MAST3: variants seen among roughly 807,000 people sequenced by gnomAD.
MAST3 encodes microtubule associated serine/threonine kinase 3, also known as microtubule-associated serine/threonine-protein kinase 3.
In MAST3, 43 loss-of-function variants were observed where a neutral mutation model predicts 127.0. The ratio of observed to expected loss-of-function variants is 0.34; its 90% CI spans 0.27 to 0.44. The LOEUF (loss-of-function observed/expected upper bound fraction) is 0.44, where lower values mean the gene tolerates loss of function less well. MAST3 is among the 20% of genes least tolerant of loss of function. The probability of loss-of-function intolerance (pLI) is 1.00; values close to 1 mark genes in which losing one functional copy is unlikely to be tolerated. For missense variants in MAST3, 1,390 were observed against 1,919.1 expected (o/e 0.72, Z 5.15); for synonymous variants, 785 against 809.2 (o/e 0.97, Z 0.51).
chr19:18,117,777 AG>A (rs1196301288), intron 3 of MAST3, among the ~76,000 whole-genome samples: 7 of 152,132 alleles, frequency 4.6e-5, no homozygotes, highest in Non-Finnish European at 8.8e-5. Context: ...CTCGAGGTTA[AG>A]GTGCTGCCAA....
rs76768788 is a variant in MAST3 at position 18,117,502 on chromosome 19, G to A, written c.162-4183G>A. On this transcript the variant is annotated intron_variant, in intron 3 of 27. Transcript: ENST00000687212. ...GCCAGTCCGGTGCTGGGAGCTGCTG[G>A]GACCCTAAGGAGCCCCCAGCCTGGG... is the stretch of plus-strand genomic sequence containing the variant. 2.0e-4 allele frequency among the ~76,000 whole-genome samples: 31 copies of A among 152,282 alleles called. No individual in the cohort carries two copies. The East Asian group carries it at 5.6e-3, about 28-fold the overall frequency.
At chr19:18,142,552 A>G (rs2042609492) in intron 21 of MAST3, among the ~76,000 whole-genome samples, 1 of 150,642 alleles carries the variant, frequency 6.6e-6, no homozygotes, top group Non-Finnish European at 1.5e-5. Context: ...GGGTTTTGCC[A>G]TGTTAGCCAG....
intron 11 of MAST3, among the ~76,000 whole-genome samples, chr19:18,126,432 G>C (rs1469038422): frequency 2.0e-5 from 3 of 152,128 alleles, no homozygotes; most frequent in Non-Finnish European, 4.4e-5. Flanking sequence ...TAGACCCTAA[G>C]GTTGGACCAT....
intron 3 of MAST3, among the ~76,000 whole-genome samples, chr19:18,120,546 T>C (rs72999430): frequency 7.2e-5 from 11 of 152,312 alleles, no homozygotes; most frequent in Non-Finnish European, 1.6e-4. Context: ...GTTTTTGTTA[T>C]TGTTTTTCAG....
intron 11 of MAST3, among the ~76,000 whole-genome samples, chr19:18,126,882 G>A (rs919930170): frequency 5.5e-4 from 83 of 151,884 alleles, no homozygotes; most frequent in Non-Finnish European, 1.9e-4. Context: ...CTGGGTTCAC[G>A]CCATTCTCCT....
At chr19:18,135,551 G>GT (rs1333732067) in intron 17 of MAST3, among the ~76,000 whole-genome samples, 189 bp from the exon 18 acceptor site, 3 of 152,304 alleles carry the variant, frequency 2.0e-5, no homozygotes, top group Non-Finnish European at 4.4e-5. Context: ...AAAAGAGAAA[G>GT]GTGGCTCTGA....
intron 11 of MAST3, among the ~76,000 whole-genome samples, chr19:18,126,278 G>C (rs906842127): frequency 6.6e-6 from 1 of 152,128 alleles, no homozygotes; most frequent in Non-Finnish European, 1.5e-5. Flanking sequence ...ACTGAAAGCT[G>C]GAGCATTGAA....
At chr19:18,102,258 G>T (rs1195623615) in intron 1 of MAST3, among the ~76,000 whole-genome samples, 2 of 149,734 alleles carry the variant, frequency 1.3e-5, no homozygotes, top group East Asian at 2.0e-4. Context: ...TCGGCTCACC[G>T]CAACCTCTGC....
chr19:18,133,549 A>ATTTTTT (rs3048882), intron 15 of MAST3, among the ~76,000 whole-genome samples: 4 of 91,844 alleles, frequency 4.4e-5, no homozygotes, highest in Non-Finnish European at 5.9e-5. Context: ...CGCCCAGCTA[A>ATTTTTT]TTTTTTTTTT....
chr19:18,120,802 ACCT>A (rs2039881759), intron 3 of MAST3, among the ~76,000 whole-genome samples: 2 of 151,316 alleles, frequency 1.3e-5, no homozygotes, highest in South Asian at 4.2e-4. Flanking sequence ...TCTCACCACA[ACCT>A]CCACCTCCTG....
Position 18,110,743 on chromosome 19 carries a change from TAA to T in MAST3, c.161+3_161+4del, listed in dbSNP as rs2038507273. ...CTCCTTGGGCCTGCACCCCTGGAGG[TAA>T]GTGACAGCGCGTGTGGGCGGGGCGC... is the stretch of plus-strand genomic sequence containing the variant. On this transcript the variant is annotated splice_donor_region_variant and intron_variant, in intron 3 of 27. Transcript: ENST00000687212. The surrounding 1 kb of genome is among the most constrained non-coding windows in gnomAD (Gnocchi z 4.3). The T allele has an allele frequency of 1.0e-6, 1 of 984,852 alleles. No individual in the cohort carries two copies. Among genetic ancestry groups the T allele is most frequent in the Non-Finnish European group, 1.2e-6 (1 of 829,254 alleles). 61.0% of individuals were successfully genotyped at this position (984,852 alleles called of 1,614,324 possible). A position where few individuals can be genotyped will look rare whatever the true frequency, so the allele number is the denominator to read the frequency against.
intron 1 of MAST3, among the ~76,000 whole-genome samples, chr19:18,100,113 TCTC>T (rs2037440288): frequency 7.3e-6 from 1 of 137,756 alleles, no homozygotes; most frequent in African/African-American, 2.6e-5. Context: ...GGCAGAAGGA[TCTC>T]TCTCTCTCTC....
chr19:18,149,612 T>TA lies in MAST3; in HGVS notation c.3931dup (p.Ser1311LysfsTer4). 5 of 1,612,936 alleles carry TA rather than the reference T, an allele frequency of 3.1e-6. No homozygotes were observed. Among genetic ancestry groups the TA allele is most frequent in the Non-Finnish European group, 4.2e-6 (5 of 1,179,766 alleles). Reference sequence around the variant, plus strand: ...AGAAGCAGGAGGCCGTGCAGGAGGTTAGCTTCGATGAGCCGCAGGAGGAGG... The same window carrying TA: ...AGAAGCAGGAGGCCGTGCAGGAGGTTAAGCTTCGATGAGCCGCAGGAGGAGG... On this transcript the variant is annotated frameshift_variant, in exon 28 of 28. Transcript: ENST00000687212. LOFTEE classifies it low-confidence loss of function (END_TRUNC). This position sits in a 1 kb window ranked among gnomAD's most constrained non-coding sequence, Gnocchi z 5.9.
In MAST3 at chr19:18,134,723, G is replaced by T; in HGVS notation, c.1704+12G>T. 3 of 1,613,100 alleles carry T rather than the reference G, an allele frequency of 1.9e-6. No homozygotes were observed. In the Middle Eastern group the frequency reaches 5.0e-4, roughly 266 times the overall value. ...TCATCGACAAGCAGGTGGGCGGGCA[G>T]GTGGGTGGGCAGCCCCGGGATGCCT... On this transcript the variant is annotated intron_variant, in intron 16 of 27. Coordinates refer to ENST00000687212, the MANE Select transcript of MAST3 (RefSeq NM_001393504.1).
chr19:18,122,688 A>G lies in MAST3; in HGVS notation c.336A>G (p.Arg112=). Residue 112 remains arginine (R), a synonymous_variant, in exon 6 of 28, where the codon AGA becomes AGG. Coordinates refer to ENST00000687212, the MANE Select transcript of MAST3 (RefSeq NM_001393504.1). Reference sequence around the variant, plus strand: ...CCCTCTCCAGGGCAGACGGCAGAAGATGGTCCCTCGCGTCTCTCCCATCTT... The same window carrying G: ...CCCTCTCCAGGGCAGACGGCAGAAGGTGGTCCCTCGCGTCTCTCCCATCTT... ...FPFARRADGR[R]WSLASLPSSG... is the part of the protein sequence containing the mutation. 2 of 1,613,242 alleles carry G rather than the reference A, an allele frequency of 1.2e-6. No homozygotes were observed. The highest frequency in any genetic ancestry group is 2.7e-5 in the African/African-American group (2 of 74,998).
Position 18,110,292 on chromosome 19 carries a change from G to C in MAST3, c.72-360G>C. 6 of 985,614 alleles carry C rather than the reference G, an allele frequency of 6.1e-6. No homozygotes were observed. The highest frequency in any genetic ancestry group is 7.2e-6 in the Non-Finnish European group (6 of 830,050). 61.1% of individuals were successfully genotyped at this position (985,614 alleles called of 1,614,324 possible). ...GCCAACAAGGGGGCGTCGGTACCCC[G>C]CCGCACAGAGGCGGCCTCTGCCTCG... On this transcript the variant is annotated intron_variant, in intron 2 of 27. Transcript: ENST00000687212. The surrounding 1 kb of genome is among the most constrained non-coding windows in gnomAD (Gnocchi z 4.3).
At chr19:18,117,295 A>G (rs1038101503) in intron 3 of MAST3, among the ~76,000 whole-genome samples, 1 of 152,118 alleles carries the variant, frequency 6.6e-6, no homozygotes, top group Non-Finnish European at 1.5e-5. Flanking sequence ...GCCCCCTTAC[A>G]TCTGATTTGT....
intron 5 of MAST3, 80 bp downstream of exon 5, chr19:18,122,002 C>A: frequency 1.3e-6 from 2 of 1,562,220 alleles, no homozygotes; most frequent in Non-Finnish European, 1.7e-6. Flanking sequence ...GGTGGCTAGA[C>A]CTGGCTCCTC....
chr19:18,124,574 G>T, intron 10 of MAST3, 68 bp from the exon 11 acceptor site: 1 of 1,504,106 alleles, frequency 6.6e-7, no homozygotes, highest in Middle Eastern at 1.7e-4. Flanking sequence ...CCAGGCAGAG[G>T]GAACAGCATG....
Sources: allele counts gnomAD v4.1 joint callset (sites outside exome capture counted in the v4.1 genomes callset), GRCh38; gene constraint gnomAD v4.1.1; non-coding constraint Gnocchi (gnomAD v3.1); transcripts MANE v1.5; gene names NCBI Gene and HGNC (gene_info 2026-07-23, HGNC 2026-07-21).